The following HSD17B13 variants were observed in gnomAD, a reference collection of about 807,000 sequenced individuals.
The protein encoded by HSD17B13 is 17-beta-hydroxysteroid dehydrogenase 13.
Under a neutral mutation model 31.1 loss-of-function variants are expected in HSD17B13, and 26 were observed. The observed-to-expected ratio is 0.84, with a 90% CI of 0.61 to 1.16. The LOEUF (loss-of-function observed/expected upper bound fraction) is 1.16, where lower values mean the gene tolerates loss of function less well. HSD17B13 is among the 50% of genes most tolerant of loss of function. The pLI, the probability that HSD17B13 is intolerant of heterozygous loss-of-function variation, is 0.00. For missense variants in HSD17B13, 374 were observed against 366.5 expected, an observed-to-expected ratio of 1.02 and a Z score of -0.17; for synonymous variants, 141 against 133.7, an observed-to-expected ratio of 1.05 and a Z score of -0.38.
intron 3 of HSD17B13, among the ~76,000 whole-genome samples, chr4:87,316,398 C>G (rs1054439485): frequency 6.6e-6 from 1 of 152,146 alleles, no homozygotes; most frequent in Non-Finnish European, 1.5e-5. Flanking sequence ...ATGTGAAGAG[C>G]TGGTAAAGGT....
chr4:87,312,518 CTTTTTTTTTTTTTTTTTT>C (rs747820120), intron 5 of HSD17B13, among the ~76,000 whole-genome samples: 1 of 71,594 alleles, frequency 1.4e-5, no homozygotes, highest in Admixed American at 2.0e-4. Flanking sequence ...ACCTTTAATT[CTTTTTTTTTTTTTTTTTT>C]TTTTTTTTTT....
intron 4 of HSD17B13, 143 bp downstream of exon 4, chr4:87,315,350 T>C (rs1438068529): frequency 1.1e-5 from 5 of 469,940 alleles, no homozygotes; most frequent in Non-Finnish European, 1.5e-5. Flanking sequence ...GTTGCTTCAT[T>C]CTTTCCTGGC....
At chr4:87,312,915 C>T (rs1249834481) in intron 5 of HSD17B13, among the ~76,000 whole-genome samples, 1 of 151,376 alleles carries the variant, frequency 6.6e-6, no homozygotes, top group Non-Finnish European at 1.5e-5. Context: ...CAAAAATTAG[C>T]CAGGCGTGGT....
intron 6 of HSD17B13, 107 bp downstream of exon 6, chr4:87,310,136 C>A: frequency 7.3e-7 from 1 of 1,362,052 alleles, no homozygotes; most frequent in South Asian, 1.7e-5. Flanking sequence ...CTGCAACCAC[C>A]GCAATCCAGC....
chr4:87,317,080 A>G lies in HSD17B13; in HGVS notation c.450+12T>C. 6.2e-7 allele frequency: 1 copy of G among 1,613,344 alleles called. No homozygotes were observed. The highest frequency in any genetic ancestry group is 8.5e-7 in the Non-Finnish European group (1 of 1,179,414). On this transcript the variant is annotated intron_variant, in intron 3 of 6. Transcript: ENST00000328546. ...GGTGCACAAATCAGAAATGTTTCTG[A>G]CTCACACTCACCCAAAAATGTCCTA... is the stretch of plus-strand genomic sequence containing the variant.
intron 4 of HSD17B13, 58 bp from the exon 5 acceptor site, chr4:87,314,018 T>G (rs925983235): frequency 3.7e-6 from 5 of 1,356,992 alleles, no homozygotes; most frequent in Non-Finnish European, 4.9e-6. Flanking sequence ...ATCCTCAGCT[T>G]TCTGTGAGAA....
At chr4:87,313,442 T>A (rs185513499) in intron 5 of HSD17B13, among the ~76,000 whole-genome samples, 30 of 152,220 alleles carry the variant, frequency 2.0e-4, no homozygotes, top group African/African-American at 7.2e-4. Flanking sequence ...ATTTTTCTTC[T>A]CTTGTGGTCT....
In HSD17B13 at chr4:87,310,362, G is replaced by C. The variant is rs117111943; in HGVS notation, c.696-3C>G. 2,892 of 1,444,250 alleles carry C rather than the reference G, an allele frequency of 2.0e-3. 45 individuals carry two copies. In the East Asian group the frequency reaches 0.039, roughly 19 times the overall value. 89.5% of individuals were successfully genotyped at this position (1,444,250 alleles called of 1,614,324 possible). The stretch of plus-strand genomic sequence containing the variant: ...CTGTCTCCAATACAGGCCATAATCT[G>C]TGATTAAAAAGAGGAAAATATTATT... On this transcript the variant is annotated splice_region_variant and splice_polypyrimidine_tract_variant and intron_variant, in intron 5 of 6. Transcript: ENST00000328546.
At chr4:87,307,206 TATAAAAGGA>T (rs937663525) in intron 6 of HSD17B13, among the ~76,000 whole-genome samples, 1 of 151,980 alleles carries the variant, frequency 6.6e-6, no homozygotes, top group African/African-American at 2.4e-5. Context: ...TGTGTCTCTC[TATAAAAGGA>T]ATTAAATGCA....
intron 6 of HSD17B13, among the ~76,000 whole-genome samples, chr4:87,308,498 A>T (rs1369875989): frequency 1.2e-3 from 93 of 75,696 alleles, no homozygotes; most frequent in African/African-American, 6.6e-3. Flanking sequence ...AAAAAAAAAA[A>T]AAAAAAAAAA....
At chr4:87,313,495 A>C (rs554098575) in intron 5 of HSD17B13, among the ~76,000 whole-genome samples, 36 of 152,190 alleles carry the variant, frequency 2.4e-4, no homozygotes, top group Admixed American at 5.9e-4. Flanking sequence ...GCAGAAATTC[A>C]CCTTGACTAA....
chr4:87,318,227 A>G, intron 2 of HSD17B13, 102 bp downstream of exon 2: 1 of 863,698 alleles, frequency 1.2e-6, no homozygotes, highest in Non-Finnish European at 1.9e-6. Context: ...AGCAGCTAAA[A>G]TCCAATTTAA....
At chr4:87,308,413 G>T (rs1367779745) in intron 6 of HSD17B13, among the ~76,000 whole-genome samples, 1 of 142,844 alleles carries the variant, frequency 7.0e-6, no homozygotes, top group African/African-American at 2.6e-5. Flanking sequence ...ACTTTGGGAG[G>T]CTGAGGCGGG....
intron 6 of HSD17B13, among the ~76,000 whole-genome samples, chr4:87,309,562 G>T (rs1264077161): frequency 6.6e-6 from 1 of 152,082 alleles, no homozygotes; most frequent in Non-Finnish European, 1.5e-5. Context: ...CAATATTGTT[G>T]ATATGTCAAT....
chr4:87,322,619 A>G lies in HSD17B13; in HGVS notation c.210+13T>C, dbSNP rs1449209526. ...CTCTGTGACTTTAAAAAGTTGGAAG[A>G]TGTATACATTACCTTATTAATATCC... On this transcript the variant is annotated intron_variant, in intron 1 of 6. Transcript: ENST00000328546. 1 of 1,549,380 alleles carries G rather than the reference A, an allele frequency of 6.5e-7. No homozygotes were observed. The highest frequency in any genetic ancestry group is 8.9e-7 in the Non-Finnish European group (1 of 1,121,020).
At chr4:87,312,178 T>C (rs73839181) in intron 5 of HSD17B13, among the ~76,000 whole-genome samples, 7,567 of 152,170 alleles carry the variant, frequency 0.05, 604 homozygotes, top group African/African-American at 0.17. Flanking sequence ...AGGGTTTTTA[T>C]TGGGCCCAAT....
intron 3 of HSD17B13, among the ~76,000 whole-genome samples, chr4:87,315,937 G>T (rs1002131546): frequency 6.6e-6 from 1 of 151,952 alleles, no homozygotes; most frequent in Non-Finnish European, 1.5e-5. Flanking sequence ...TGATAATTTG[G>T]TGTCATATAA....
At chr4:87,306,498 A>G (rs1196878462) in intron 6 of HSD17B13, among the ~76,000 whole-genome samples, 3 of 152,240 alleles carry the variant, frequency 2.0e-5, no homozygotes, top group Non-Finnish European at 2.9e-5. Flanking sequence ...AATATCAGCC[A>G]TCTAGAATTA....
intron 3 of HSD17B13, among the ~76,000 whole-genome samples, chr4:87,315,897 CAG>C (rs1346796818): frequency 2.0e-5 from 3 of 152,026 alleles, no homozygotes; most frequent in African/African-American, 4.8e-5. Context: ...GGGAAAAATT[CAG>C]AGTTTTCAGA....
Sources: allele counts gnomAD v4.1 joint callset (sites outside exome capture counted in the v4.1 genomes callset), GRCh38; gene constraint gnomAD v4.1.1; transcripts MANE v1.5; gene names NCBI Gene and HGNC (gene_info 2026-07-23, HGNC 2026-07-21).